The following SYNDIG1 variants were observed in gnomAD, a reference collection of about 807,000 sequenced individuals.
The protein encoded by SYNDIG1 is synapse differentiation inducing 1.
Under a neutral mutation model 19.4 loss-of-function variants are expected in SYNDIG1, and 9 were observed. The observed-to-expected ratio is 0.46, with a 90% CI of 0.28 to 0.81. SYNDIG1 has a LOEUF of 0.81. Among genes scored for constraint, SYNDIG1 ranks in the 30% least tolerant of loss-of-function variants. The probability of loss-of-function intolerance (pLI) is 0.12; values close to 1 mark genes in which losing one functional copy is unlikely to be tolerated. For synonymous variants in SYNDIG1, 141 were observed against 145.9 expected (o/e 0.97, Z 0.24); for missense variants, 311 against 343.3 (o/e 0.91, Z 0.74).
chr20:24,512,906 C>A (rs779003664), intron 1 of SYNDIG1, among the ~76,000 whole-genome samples: 1 of 152,110 alleles, frequency 6.6e-6, no homozygotes, highest in Non-Finnish European at 1.5e-5. Flanking sequence ...CTCACATGGC[C>A]GGGTACCCCT....
Position 24,504,206 on chromosome 20 carries a change from C to T in SYNDIG1, c.-79+34453C>T, listed in dbSNP as rs2056529825. On this transcript the variant is annotated intron_variant, in intron 1 of 3. Coordinates refer to ENST00000376862, the MANE Select transcript of SYNDIG1 (RefSeq NM_024893.3). ...GTCTCCTGACCTCGTGATCCGCCCG[C>T]CTCGGCCTCCCAAAGTGCTGGGATT... Among the ~76,000 whole-genome samples, 3 of 152,300 alleles carry T rather than the reference C, an allele frequency of 2.0e-5. No homozygotes were observed. The South Asian group carries it at 6.2e-4, about 32-fold the overall frequency.
intron 1 of SYNDIG1, among the ~76,000 whole-genome samples, chr20:24,531,233 C>T (rs1042254228): frequency 6.6e-6 from 1 of 152,130 alleles, no homozygotes; most frequent in African/African-American, 2.4e-5. Context: ...ACAATATAAT[C>T]GGCATTCGAG....
intron 3 of SYNDIG1, among the ~76,000 whole-genome samples, chr20:24,639,192 C>T (rs780270454): frequency 2.0e-5 from 3 of 152,122 alleles, no homozygotes; most frequent in Admixed American, 6.5e-5. Context: ...TGAGGTAAGA[C>T]GCAGGCAGGG....
chr20:24,500,206 T>C (rs1245942613), intron 1 of SYNDIG1, among the ~76,000 whole-genome samples: 2 of 152,154 alleles, frequency 1.3e-5, no homozygotes, highest in African/African-American at 4.8e-5. Context: ...TGCATGTATA[T>C]CTCTCAAATG....
intron 2 of SYNDIG1, among the ~76,000 whole-genome samples, chr20:24,544,836 A>C (rs533531819): frequency 1.1e-4 from 17 of 152,138 alleles, no homozygotes; most frequent in Admixed American, 2.6e-4. Context: ...TCCTGGAGAA[A>C]CTGCCCAGCT....
intron 2 of SYNDIG1, among the ~76,000 whole-genome samples, chr20:24,559,014 C>A (rs1410586282): frequency 6.6e-6 from 1 of 152,068 alleles, no homozygotes. Flanking sequence ...ATCAATATAT[C>A]AAAAAGATAC....
chr20:24,625,358 G>A (rs987413049), intron 3 of SYNDIG1, among the ~76,000 whole-genome samples: 16 of 149,308 alleles, frequency 1.1e-4, no homozygotes, highest in Admixed American at 4.0e-4. Context: ...AAAGAAAGAC[G>A]GGCCATCACT....
intron 3 of SYNDIG1, among the ~76,000 whole-genome samples, chr20:24,655,968 G>T (rs1371499168): frequency 1.3e-5 from 2 of 152,340 alleles, no homozygotes; most frequent in African/African-American, 4.8e-5. Flanking sequence ...GAGCAGAGGA[G>T]TCAGACACCA....
chr20:24,547,548 G>A (rs146409327), intron 2 of SYNDIG1, among the ~76,000 whole-genome samples: 8 of 152,234 alleles, frequency 5.3e-5, no homozygotes, highest in African/African-American at 1.2e-4. Context: ...GTGCCATGCC[G>A]CTCATTATCT....
intron 3 of SYNDIG1, among the ~76,000 whole-genome samples, chr20:24,657,727 T>C (rs1276356030): frequency 6.6e-6 from 1 of 152,200 alleles, no homozygotes; most frequent in Non-Finnish European, 1.5e-5. Context: ...CTGTTCAGCT[T>C]CTCTTACTAT....
At chr20:24,481,096 G>A (rs999496089) in intron 1 of SYNDIG1, among the ~76,000 whole-genome samples, 5 of 151,872 alleles carry the variant, frequency 3.3e-5, no homozygotes, top group Non-Finnish European at 7.4e-5. Flanking sequence ...TTACGATTAT[G>A]TAAATTTTAT....
chr20:24,646,672 A>G (rs1361118879), intron 3 of SYNDIG1, among the ~76,000 whole-genome samples: 1 of 150,918 alleles, frequency 6.6e-6, no homozygotes, highest in African/African-American at 2.4e-5. Flanking sequence ...CCGAGGCTGG[A>G]GTACAGTGGC....
rs889039097 is a variant in SYNDIG1, at chr20:24,545,597, G to A, written c.480+2020G>A. Among the ~76,000 whole-genome samples, 8 of 152,202 alleles carry A rather than the reference G, an allele frequency of 5.3e-5. No homozygotes were observed. In the South Asian group the frequency reaches 8.3e-4, roughly 16 times the overall value. On this transcript the variant is annotated intron_variant, in intron 2 of 3. Coordinates refer to ENST00000376862, the MANE Select transcript of SYNDIG1 (RefSeq NM_024893.3). ...ATCACACAGGCAGGAGCCCTCCCCC[G>A]GCTGAGTCTTGAGGATGAGTAAGAG... is the stretch of plus-strand genomic sequence containing the variant.
At chr20:24,630,135 T>C (rs1482520840) in intron 3 of SYNDIG1, among the ~76,000 whole-genome samples, 1 of 152,186 alleles carries the variant, frequency 6.6e-6, no homozygotes, top group East Asian at 1.9e-4. Flanking sequence ...GAATAGTTAA[T>C]TCACAAAGGC....
intron 2 of SYNDIG1, among the ~76,000 whole-genome samples, chr20:24,583,410 C>T (rs1170522275): frequency 6.6e-6 from 1 of 152,240 alleles, no homozygotes; most frequent in Non-Finnish European, 1.5e-5. Context: ...GAGGCCTCTG[C>T]TTAACAACCT....
intron 2 of SYNDIG1, among the ~76,000 whole-genome samples, chr20:24,574,705 A>C (rs1262824257): frequency 6.6e-6 from 1 of 152,154 alleles, no homozygotes; most frequent in African/African-American, 2.4e-5. Flanking sequence ...GGAATATGGA[A>C]AACAAGTCCT....
intron 2 of SYNDIG1, among the ~76,000 whole-genome samples, chr20:24,575,006 GA>G (rs2058204825): frequency 6.6e-6 from 1 of 152,174 alleles, no homozygotes. Context: ...TGTCTCCCTG[GA>G]GCACGGTAGA....
At chr20:24,471,124 G>A (rs572518013) in intron 1 of SYNDIG1, among the ~76,000 whole-genome samples, 4 of 152,210 alleles carry the variant, frequency 2.6e-5, no homozygotes, top group African/African-American at 9.6e-5. Context: ...TGTGTGCTGC[G>A]TAGACCTGCG....
intron 2 of SYNDIG1, among the ~76,000 whole-genome samples, chr20:24,577,170 A>G (rs932527768): frequency 2.6e-5 from 4 of 152,194 alleles, no homozygotes; most frequent in Non-Finnish European, 5.9e-5. Context: ...ATCTCCATAC[A>G]GCTGTGTATG....
Sources: allele counts gnomAD v4.1 joint callset (sites outside exome capture counted in the v4.1 genomes callset), GRCh38; gene constraint gnomAD v4.1.1; transcripts MANE v1.5; gene names NCBI Gene and HGNC (gene_info 2026-07-23, HGNC 2026-07-21).